CLEC4A: variants seen among roughly 807,000 people sequenced by gnomAD.
The protein encoded by CLEC4A is C-type lectin domain family 4 member A, also known as C-type (calcium dependent, carbohydrate-recognition domain) lectin, superfamily member 6.
A neutral mutation model predicts 32.7 loss-of-function variants in CLEC4A; 27 were observed. The ratio of observed to expected loss-of-function variants is 0.83; its 90% CI spans 0.61 to 1.14. The LOEUF (loss-of-function observed/expected upper bound fraction) is 1.14, where lower values mean the gene tolerates loss of function less well. Among genes scored for constraint, CLEC4A ranks in the 50% most tolerant of loss-of-function variants. CLEC4A has a pLI of 0.00. For synonymous variants in CLEC4A, 89 were observed against 93.7 expected, an observed-to-expected ratio of 0.95 and a Z score of 0.29; for missense variants, 253 against 274.6, an observed-to-expected ratio of 0.92 and a Z score of 0.55.
At chr12:8,114,314 G>A in the CLEC4A span, among the ~76,000 whole-genome samples, 4 of 151,886 alleles carry the variant, frequency 2.6e-5, no homozygotes, top group South Asian at 2.1e-4. Flanking sequence ...GCGTGATCTC[G>A]GCTCACTGCA....
chr12:8,130,153 A>G (rs1235670916), intron 3 of CLEC4A, among the ~76,000 whole-genome samples: 1 of 152,056 alleles, frequency 6.6e-6, no homozygotes, highest in Non-Finnish European at 1.5e-5. Flanking sequence ...TCGTATATGT[A>G]CTCATATATC....
upstream of CLEC4A, chr12:8,121,708 G>A (rs1293335404): frequency 6.5e-6 from 1 of 152,760 alleles, no homozygotes; most frequent in Non-Finnish European, 1.5e-5. Flanking sequence ...GTCCATAGTA[G>A]GGGTAGCCTG....
At chr12:8,126,756 G>A (rs893417653) in intron 2 of CLEC4A, among the ~76,000 whole-genome samples, 1 of 152,146 alleles carries the variant, frequency 6.6e-6, no homozygotes, top group Non-Finnish European at 1.5e-5. Flanking sequence ...AAGTGCAAGA[G>A]GCTGAGGTAG....
At chr12:8,122,235 G>A (rs1947837864), upstream of CLEC4A, among the ~76,000 whole-genome samples, 1 of 151,484 alleles carries the variant, frequency 6.6e-6, no homozygotes, top group African/African-American at 2.4e-5. Context: ...TGGTCCATGT[G>A]GTAGGATAGC....
chr12:8,123,563 T>C (rs1159307790), upstream of CLEC4A: 1 of 220,292 alleles, frequency 4.5e-6, no homozygotes, highest in Non-Finnish European at 8.9e-6. Context: ...TCTTCTTTTA[T>C]TTTTCTTCCT....
At chr12:8,131,142 T>A (rs1022814730) in intron 3 of CLEC4A, among the ~76,000 whole-genome samples, 2 of 152,232 alleles carry the variant, frequency 1.3e-5, no homozygotes, top group Admixed American at 1.3e-4. Flanking sequence ...AATGCTATTT[T>A]CATTACATCA....
intron 3 of CLEC4A, 53 bp downstream of exon 3, chr12:8,129,415 C>A: frequency 8.8e-7 from 1 of 1,135,882 alleles, no homozygotes; most frequent in South Asian, 1.3e-5. Flanking sequence ...TGTAAGGATC[C>A]CAAATCAATA....
rs183188266 is a variant in CLEC4A, at chr12:8,126,511, C to T, written c.199+834C>T. Among the ~76,000 whole-genome samples, 65 of 151,960 alleles carry T rather than the reference C, an allele frequency of 4.3e-4. 1 individual carries two copies. The East Asian group carries it at 0.01, about 24-fold the overall frequency. Reference sequence around the variant, plus strand: ...CTGGGATTACAGGCATGAGTCACTACGCCTGGCTCAAAATTTTTAAAAGGC... The same window carrying T: ...CTGGGATTACAGGCATGAGTCACTATGCCTGGCTCAAAATTTTTAAAAGGC... On this transcript the variant is annotated intron_variant, in intron 2 of 5. Coordinates refer to ENST00000229332, the MANE Select transcript of CLEC4A (RefSeq NM_016184.4).
the CLEC4A span, among the ~76,000 whole-genome samples, chr12:8,114,345 C>T: frequency 2.6e-5 from 4 of 151,966 alleles, no homozygotes; most frequent in Non-Finnish European, 4.4e-5. Context: ...CCCGGGTTCA[C>T]GCCATTCTCC....
chr12:8,104,599 T>A, the CLEC4A span, among the ~76,000 whole-genome samples: 1 of 152,232 alleles, frequency 6.6e-6, no homozygotes, highest in African/African-American at 2.4e-5. Flanking sequence ...TATTTTAGAT[T>A]CAGAGGTATA....
At chr12:8,130,438 C>T (rs1947978829) in intron 3 of CLEC4A, among the ~76,000 whole-genome samples, 1 of 152,120 alleles carries the variant, frequency 6.6e-6, no homozygotes, top group Admixed American at 6.5e-5. Flanking sequence ...AGTAGTGTGA[C>T]CACAGCTCAC....
intron 3 of CLEC4A, among the ~76,000 whole-genome samples, chr12:8,132,276 T>A (rs755807753): frequency 6.6e-6 from 1 of 152,312 alleles, no homozygotes; most frequent in East Asian, 1.9e-4. Flanking sequence ...GAATCAGATA[T>A]TTCTTTGAGG....
chr12:8,134,467 G>C, intron 3 of CLEC4A: 1 of 1,613,934 alleles, frequency 6.2e-7, no homozygotes, highest in Non-Finnish European at 8.5e-7. Context: ...TTTTGCTCCA[G>C]CTTCTCCTTC....
chr12:8,124,839 A>G (rs910556972), intron 1 of CLEC4A, among the ~76,000 whole-genome samples: 13 of 152,238 alleles, frequency 8.5e-5, no homozygotes, highest in Non-Finnish European at 1.5e-5. Context: ...TACTCTTATC[A>G]TCTAGAGAAA....
Position 8,123,868 on chromosome 12 carries a change from C to T in CLEC4A, c.-11C>T. ...AGATTTTCTGAAGAAAGCAGAAGCT[C>T]TCTTCCCATTATGACTTCGGAAATC... is the stretch of plus-strand genomic sequence containing the variant. On this transcript the variant is annotated 5_prime_UTR_variant, in exon 1 of 6. Transcript: ENST00000229332. 6.3e-7 allele frequency: 1 copy of T among 1,582,180 alleles called. No homozygotes were observed. Among genetic ancestry groups the T allele is most frequent in the South Asian group, 1.1e-5 (1 of 90,424 alleles).
At position 8,138,320 on chromosome 12, in the gene CLEC4A, T is replaced by G; in HGVS notation, c.*33T>G. On this transcript the variant is annotated 3_prime_UTR_variant, in exon 6 of 6. Transcript: ENST00000229332. ...ATTCTCCATGAACAGGTGGTTGGATTGGTATCTGTCATTGTAGGGATAGAT... is the reference window on the plus strand; with the variant it reads ...ATTCTCCATGAACAGGTGGTTGGATGGGTATCTGTCATTGTAGGGATAGAT... 1.2e-6 allele frequency: 2 copies of G among 1,612,940 alleles called. No individual in the cohort carries two copies. Among genetic ancestry groups the G allele is most frequent in the Non-Finnish European group, 1.7e-6 (2 of 1,179,156 alleles).
the CLEC4A span, among the ~76,000 whole-genome samples, chr12:8,113,301 A>G: frequency 1.1e-4 from 17 of 151,850 alleles, no homozygotes; most frequent in African/African-American, 4.1e-4. Context: ...TGAACTCATC[A>G]TTTTTTATGG....
chr12:8,134,898 A>G (rs1244871933), intron 3 of CLEC4A: 13 of 1,447,344 alleles, frequency 9.0e-6, no homozygotes, highest in Admixed American at 5.6e-5. Context: ...GTTTTTCTTT[A>G]TATCTTCTAG....
intron 3 of CLEC4A, chr12:8,134,822 G>A: frequency 3.9e-6 from 6 of 1,549,026 alleles, no homozygotes; most frequent in Non-Finnish European, 5.2e-6. Context: ...GGGGTGAGAA[G>A]GCGAAATCCG....
Sources: allele counts gnomAD v4.1 joint callset (sites outside exome capture counted in the v4.1 genomes callset), GRCh38; gene constraint gnomAD v4.1.1; transcripts MANE v1.5; gene names NCBI Gene and HGNC (gene_info 2026-07-23, HGNC 2026-07-21).